The following BACH2 variants were observed in gnomAD, a reference collection of about 807,000 sequenced individuals.
BACH2 encodes the protein transcription regulator protein BACH2.
In BACH2, 5 loss-of-function variants were observed where a neutral mutation model predicts 61.8. That is an observed-to-expected ratio of 0.08 (90% CI 0.04 to 0.17). The LOEUF (loss-of-function observed/expected upper bound fraction) is 0.17. Ranked by LOEUF, BACH2 falls within the 10% of genes least tolerant of loss-of-function variation. The pLI is 1.00. For synonymous variants in BACH2, 446 were observed against 440.1 expected (o/e 1.01, Z -0.17); for missense variants, 824 against 1,091.1 (o/e 0.76, Z 3.45).
At chr6:89,967,205 T>C (rs1311280335) in intron 6 of BACH2, among the ~76,000 whole-genome samples, 1 of 152,194 alleles carries the variant, frequency 6.6e-6, no homozygotes, top group Non-Finnish European at 1.5e-5. Flanking sequence ...ATTTTGAACA[T>C]GGCTTGGGAC....
chr6:89,939,557 A>G (rs1280257851), intron 7 of BACH2, among the ~76,000 whole-genome samples: 1 of 152,142 alleles, frequency 6.6e-6, no homozygotes, highest in East Asian at 1.9e-4. Flanking sequence ...CCAATTCTTG[A>G]CAAATCAAGG....
chr6:90,116,108 AAG>A (rs1783386454), intron 4 of BACH2, among the ~76,000 whole-genome samples: 1 of 152,168 alleles, frequency 6.6e-6, no homozygotes, highest in South Asian at 2.1e-4. Context: ...CAATTCCTCA[AAG>A]AGCAAAAAGC....
chr6:89,987,206 A>G (rs1303969258), intron 6 of BACH2, among the ~76,000 whole-genome samples: 2 of 152,230 alleles, frequency 1.3e-5, no homozygotes, highest in Non-Finnish European at 2.9e-5. Context: ...GATTAAAAAA[A>G]TCAACTTTGT....
intron 2 of BACH2, among the ~76,000 whole-genome samples, chr6:90,265,736 A>T (rs1692639034): frequency 6.6e-6 from 1 of 152,210 alleles, no homozygotes; most frequent in South Asian, 2.1e-4. Flanking sequence ...CGTTGCAGGC[A>T]TGGTGCTAAG....
intron 5 of BACH2, among the ~76,000 whole-genome samples, chr6:90,022,296 G>A (rs1562376307): frequency 6.6e-6 from 1 of 151,956 alleles, no homozygotes; most frequent in South Asian, 2.1e-4. Flanking sequence ...AAATGTAATC[G>A]ACATCGGTCA....
intron 4 of BACH2, among the ~76,000 whole-genome samples, chr6:90,133,922 T>C (rs1784186189): frequency 6.6e-6 from 1 of 152,246 alleles, no homozygotes; most frequent in East Asian, 1.9e-4. Context: ...GTGCCACGTT[T>C]TCTTAATTCA....
intron 5 of BACH2, among the ~76,000 whole-genome samples, chr6:90,021,299 T>TAAAAAAAAAAAAAAAAAAAAAAAA (rs200724602): frequency 1.0e-5 from 1 of 100,242 alleles, no homozygotes. Flanking sequence ...AGCAAAAAAG[T>TAAAAAAAAAAAAAAAAAAAAAAAA]AAAAAAAAAA....
At chr6:90,025,739 A>ACGAGGATG (rs1303033324) in intron 5 of BACH2, among the ~76,000 whole-genome samples, 1 of 152,348 alleles carries the variant, frequency 6.6e-6, no homozygotes. Context: ...CAGGGAAAAT[A>ACGAGGATG]CGAGGATGGG....
intron 4 of BACH2, among the ~76,000 whole-genome samples, chr6:90,103,919 T>G (rs1445511153): frequency 6.6e-6 from 1 of 152,198 alleles, no homozygotes; most frequent in African/African-American, 2.4e-5. Context: ...CCATTTGAAA[T>G]AGAAACAGGC....
At chr6:90,031,967 T>C (rs1416753112) in intron 5 of BACH2, among the ~76,000 whole-genome samples, 2 of 152,296 alleles carry the variant, frequency 1.3e-5, no homozygotes, top group East Asian at 3.9e-4. Context: ...ACTACAAGGC[T>C]ACAGTAACCA....
intron 6 of BACH2, among the ~76,000 whole-genome samples, chr6:89,997,806 T>C (rs1160810256): frequency 6.6e-6 from 1 of 152,226 alleles, no homozygotes; most frequent in East Asian, 1.9e-4. Flanking sequence ...CCACTCAACC[T>C]GGCTTGATAA....
chr6:90,158,275 A>T (rs1202969985), intron 4 of BACH2, among the ~76,000 whole-genome samples: 1 of 152,190 alleles, frequency 6.6e-6, no homozygotes, highest in Non-Finnish European at 1.5e-5. Flanking sequence ...AAAATATTAG[A>T]CCATTTGTTC....
Position 89,932,706 on chromosome 6 carries a change from C to T in BACH2, c.2228G>A (p.Ser743Asn), listed in dbSNP as rs1407101402. Residue 743 changes from serine to asparagine, a missense_variant, in exon 9 of 9, where the codon AGT becomes AAT. Ser to Asn is a conservative substitution (Grantham distance 46, BLOSUM62 1). Coordinates refer to ENST00000257749, the MANE Select transcript of BACH2 (RefSeq NM_021813.4). ...LRPMDLPTASSINPAPLGAEQ... is the reference protein window; with the variant it reads ...LRPMDLPTASNINPAPLGAEQ... ...AGCACCCAAGGGCGCAGGGTTAATA[C>T]TGGAGGCCGTGGGCAAGTCCATGGG... The T allele has an allele frequency of 2.5e-6, 4 of 1,614,038 alleles. No homozygotes were observed. In the African/African-American group the frequency reaches 4.0e-5, roughly 16 times the overall value.
intron 6 of BACH2, among the ~76,000 whole-genome samples, chr6:89,978,935 A>T (rs1283440225): frequency 6.6e-6 from 1 of 152,174 alleles, no homozygotes; most frequent in Non-Finnish European, 1.5e-5. Flanking sequence ...TTGTTCTCCA[A>T]TTGTGAACTC....
chr6:90,230,285 T>A (rs1228551996), intron 3 of BACH2, among the ~76,000 whole-genome samples: 3 of 152,232 alleles, frequency 2.0e-5, no homozygotes, highest in African/African-American at 4.8e-5. Context: ...CATTTATTGA[T>A]CTCAGTGGAT....
intron 6 of BACH2, among the ~76,000 whole-genome samples, chr6:89,960,619 T>C (rs1047009709): frequency 9.2e-5 from 14 of 152,252 alleles, no homozygotes; most frequent in African/African-American, 3.4e-4. Flanking sequence ...TGAAGATAAC[T>C]GCTGTGTCCC....
At chr6:90,065,270 CTTTTTTTTTTTTTTTTTT>C (rs71027920) in intron 5 of BACH2, among the ~76,000 whole-genome samples, 3 of 52,648 alleles carry the variant, frequency 5.7e-5, no homozygotes, top group African/African-American at 2.0e-4. Context: ...GCCGCCCCCA[CTTTTTTTTTTTTTTTTTT>C]TTTTTTTTTT....
At chr6:90,237,227 G>A (rs1770289702) in intron 3 of BACH2, among the ~76,000 whole-genome samples, 1 of 152,154 alleles carries the variant, frequency 6.6e-6, no homozygotes, top group Non-Finnish European at 1.5e-5. Flanking sequence ...CCAGCCCAGT[G>A]CTCTTGTTTT....
intron 4 of BACH2, among the ~76,000 whole-genome samples, chr6:90,187,658 G>A (rs954209278): frequency 6.6e-6 from 1 of 152,234 alleles, no homozygotes; most frequent in African/African-American, 2.4e-5. Context: ...CAGATTAACT[G>A]AAATGCTTAT....
Sources: gnomAD v4.1 joint callset for allele counts (sites outside exome capture counted in the v4.1 genomes callset) on GRCh38, gnomAD v4.1.1 for gene constraint, MANE v1.5 for transcripts, NCBI Gene and HGNC (gene_info 2026-07-23, HGNC 2026-07-21) for gene names.